Variants in ZNF132 observed in about 807,000 individuals in gnomAD.
ZNF132 encodes zinc finger protein 132 (clone pHZ-12).
A neutral mutation model predicts 9.3 loss-of-function variants in ZNF132; 6 were observed. The ratio of observed to expected loss-of-function variants is 0.65; its 90% CI spans 0.35 to 1.28. The LOEUF is 1.28. Ranked by LOEUF, ZNF132 falls within the 50% of genes most tolerant of loss-of-function variation. The pLI is 0.03. For missense variants in ZNF132, 877 were observed against 843.2 expected (o/e 1.04, Z -0.50); for synonymous variants, 296 against 292.0 (o/e 1.01, Z -0.14).
chr19:58,438,281 A>C (rs965532444), intron 1 of ZNF132, among the ~76,000 whole-genome samples: 23 of 152,130 alleles, frequency 1.5e-4, no homozygotes, highest in African/African-American at 5.6e-4. Flanking sequence ...ACACACAAGC[A>C]TCCATCCCTT....
rs1229593121 is a variant in ZNF132 at position 58,433,319 on chromosome 19, C to T, written c.*4G>A. Reference sequence around the variant, plus strand: ...TCACAAAGACCACTTCCATAAGGCTCCACTCAGGTATGAATCTTTTTATGC... The same window carrying T: ...TCACAAAGACCACTTCCATAAGGCTTCACTCAGGTATGAATCTTTTTATGC... On this transcript the variant is annotated 3_prime_UTR_variant, in exon 3 of 3. Coordinates refer to ENST00000254166, the MANE Select transcript of ZNF132 (RefSeq NM_003433.4). 2 of 1,605,922 alleles carry T rather than the reference C, an allele frequency of 1.2e-6. No individual in the cohort carries two copies. The highest frequency in any genetic ancestry group is 1.1e-5 in the South Asian group (1 of 90,286).
rs878896933 is a variant in ZNF132 at position 58,434,016 on chromosome 19, T to G, written c.1428A>C (p.Arg476=). The change falls in exon 3 of 3, where the codon CGA becomes CGC. Residue 476 remains arginine, a synonymous_variant. Transcript: ENST00000254166. ...RDFSQSSHLL[R]HQKVHTGERP... is the part of the protein sequence containing the mutation. ...GTTCTCCAGTGTGAACTTTCTGATG[T>G]CGAAGGAGATGGGAGCTTTGGCTGA... 6.2e-7 allele frequency: 1 copy of G among 1,613,422 alleles called. No individual in the cohort carries two copies. The highest frequency in any genetic ancestry group is 2.2e-5 in the East Asian group (1 of 44,812).
intron 1 of ZNF132, among the ~76,000 whole-genome samples, chr19:58,438,431 ACTC>A (rs869275961): frequency 1.4e-5 from 2 of 146,338 alleles, no homozygotes; most frequent in East Asian, 2.0e-4. Context: ...CCTGAAATCT[ACTC>A]CTCACACCAA....
At position 58,439,754 on chromosome 19, in the gene ZNF132, C is replaced by T. The variant is rs1323662245; in HGVS notation, c.63+5G>A. 6.5e-7 allele frequency: 1 copy of T among 1,534,560 alleles called. No homozygotes were observed. The highest frequency in any genetic ancestry group is 8.8e-7 in the Non-Finnish European group (1 of 1,140,318). On this transcript the variant is annotated splice_donor_5th_base_variant and intron_variant, in intron 1 of 2. Transcript: ENST00000254166. ...GGGTGAGGGCCTGGGGCACACTCCA[C>T]TTACCTGCGCCGGGCCCATCAGCAA...
rs2052794664 is a variant in ZNF132 at position 58,440,080 on chromosome 19, C to G, written c.-259G>C. On this transcript the variant is annotated 5_prime_UTR_variant, in exon 1 of 3. Transcript: ENST00000254166. ...AAGGCGCGGTGACGGTCCCTGCACCCACTCCCGTGCCCTGGTGTGGCTCCA... is the reference window on the plus strand; with the variant it reads ...AAGGCGCGGTGACGGTCCCTGCACCGACTCCCGTGCCCTGGTGTGGCTCCA... The G allele has an allele frequency of 1.4e-5, 7 of 501,024 alleles. No homozygotes were observed. The highest frequency in any genetic ancestry group is 3.5e-6 in the Non-Finnish European group (1 of 287,338). 31.0% of individuals were successfully genotyped at this position (501,024 alleles called of 1,614,324 possible).
At chr19:58,435,373 G>T in intron 2 of ZNF132, 162 bp from the exon 3 acceptor site, 1 of 770,344 alleles carries the variant, frequency 1.3e-6, no homozygotes. Flanking sequence ...CATTACTATT[G>T]GCAGGATAGG....
intron 1 of ZNF132, chr19:58,437,702 C>T (rs2052780799): frequency 2.5e-5 from 25 of 985,320 alleles, no homozygotes; most frequent in Non-Finnish European, 3.0e-5. Context: ...TTCTCCCTAG[C>T]ATCTCACCAT....
Position 58,434,555 on chromosome 19 carries a change from C to A in ZNF132, c.889G>T (p.Gly297Trp), listed in dbSNP as rs2052761784. The change falls in exon 3 of 3, where the codon GGG becomes TGG. Residue 297 changes from glycine (G) to tryptophan (W), a missense_variant. Gly to Trp is a radical substitution (Grantham distance 184). Transcript: ENST00000254166. ...GEIPHVCKEC[G>W]KAFSHSSKLR... Reference sequence around the variant, plus strand: ...TTAGATGAGTGACTAAAGGCCTTCCCACACTCCTTACACACATGGGGTATT... The same window carrying A: ...TTAGATGAGTGACTAAAGGCCTTCCAACACTCCTTACACACATGGGGTATT... 2 of 1,614,040 alleles carry A rather than the reference C, an allele frequency of 1.2e-6. No homozygotes were observed. Among genetic ancestry groups the A allele is most frequent in the African/African-American group, 1.3e-5 (1 of 74,926 alleles).
intron 2 of ZNF132, among the ~76,000 whole-genome samples, chr19:58,436,657 G>A (rs2052774330): frequency 9.2e-6 from 1 of 109,160 alleles, no homozygotes; most frequent in South Asian, 3.3e-4. Flanking sequence ...GACAGAGCAA[G>A]ACTCCATCTC....
In ZNF132 at chr19:58,437,681, C is replaced by T. The variant is rs2052780726; in HGVS notation, c.64-466G>A. ...TATATTTCCAACCCCTCCCTGTTCA[C>T]ACTGTAGGCATTCTCCCTAGCATCT... On this transcript the variant is annotated intron_variant, in intron 1 of 2. Coordinates refer to ENST00000254166, the MANE Select transcript of ZNF132 (RefSeq NM_003433.4). The T allele has an allele frequency of 4.1e-6, 4 of 981,716 alleles. No individual in the cohort carries two copies. In the South Asian group the frequency reaches 1.9e-4, roughly 46 times the overall value. The allele number at this position is 981,716 out of a possible 1,614,324, so 60.8% of individuals were successfully genotyped here.
chr19:58,435,005 A>G lies in ZNF132; in HGVS notation c.439T>C (p.Cys147Arg). ...SEEKPYTCGA[C>R]GRDFWLNANL... The stretch of plus-strand genomic sequence containing the variant: ...GCATTCAACCAAAAGTCTCTCCCAC[A>G]TGCTCCACATGTGTAGGGTTTCTCC... The change falls in exon 3 of 3, where the codon TGT becomes CGT. Residue 147 changes from cysteine (C) to arginine (R), a missense_variant. Physicochemically the swap from Cys to Arg is radical, Grantham distance 180. Coordinates refer to ENST00000254166, the MANE Select transcript of ZNF132 (RefSeq NM_003433.4). The G allele has an allele frequency of 6.2e-7, 1 of 1,614,092 alleles. No individual in the cohort carries two copies. The highest frequency in any genetic ancestry group is 8.5e-7 in the Non-Finnish European group (1 of 1,180,022).
At chr19:58,435,805 T>C (rs186231483) in intron 2 of ZNF132, 2 of 152,842 alleles carry the variant, frequency 1.3e-5, no homozygotes, top group Admixed American at 6.5e-5. Flanking sequence ...GGGGTCTTGC[T>C]ATGTTGCCCA....
Position 58,434,343 on chromosome 19 carries a change from T to A in ZNF132, c.1101A>T (p.Lys367Asn), listed in dbSNP as rs765580134. ...SNRSHLIRHEKVHTGERPFEC... is the reference protein window; with the variant it reads ...SNRSHLIRHENVHTGERPFEC... ...CAAAAGGCCTTTCTCCAGTGTGAAC[T>A]TTCTCATGCCGAATGAGGTGTGATC... The change falls in exon 3 of 3, where the codon AAA becomes AAT. Residue 367 changes from lysine to asparagine, a missense_variant. By Grantham distance (94) the Lys-to-Asn change is moderately conservative. Transcript: ENST00000254166. 2 of 1,614,260 alleles carry A rather than the reference T, an allele frequency of 1.2e-6. No individual in the cohort carries two copies. The highest frequency in any genetic ancestry group is 4.5e-5 in the East Asian group (2 of 44,886).
In ZNF132 at chr19:58,440,068, G is replaced by C. The variant is rs1031464125; in HGVS notation, c.-247C>G. ...ATGGTGCGTGTGAAGGCGCGGTGAC[G>C]GTCCCTGCACCCACTCCCGTGCCCT... On this transcript the variant is annotated 5_prime_UTR_variant, in exon 1 of 3. Transcript: ENST00000254166. 3.8e-6 allele frequency: 2 copies of C among 523,564 alleles called. No homozygotes were observed. The highest frequency in any genetic ancestry group is 6.7e-6 in the Non-Finnish European group (2 of 300,710). 32.4% of individuals were successfully genotyped at this position (523,564 alleles called of 1,614,324 possible). A position where few individuals can be genotyped will look rare whatever the true frequency, so the allele number is the denominator to read the frequency against.
chr19:58,437,858 G>T, intron 1 of ZNF132: 1 of 922,920 alleles, frequency 1.1e-6, no homozygotes, highest in Admixed American at 6.2e-5. Context: ...ACCATCAGCT[G>T]CCCAGAACCA....
chr19:58,437,823 C>T, intron 1 of ZNF132: 2 of 984,158 alleles, frequency 2.0e-6, no homozygotes, highest in Non-Finnish European at 2.4e-6. Context: ...AAGTCAATGC[C>T]TCCCCTGCCA....
chr19:58,436,058 A>C (rs2052771029), intron 2 of ZNF132, among the ~76,000 whole-genome samples: 1 of 152,266 alleles, frequency 6.6e-6, no homozygotes, highest in South Asian at 2.1e-4. Flanking sequence ...GATGAACTTC[A>C]AAAACATGCT....
rs1401571700 is a variant in ZNF132 at position 58,434,404 on chromosome 19, T to A, written c.1040A>T (p.Tyr347Phe). Reference protein sequence around the residue: ...HQRIHSGERPYECDECGKAFS... With the variant: ...HQRIHSGERPFECDECGKAFS... ...GGCTTTCCCACATTCATCACACTCATAAGGTCTTTCTCCTGAGTGAATTCT... is the reference window on the plus strand; with the variant it reads ...GGCTTTCCCACATTCATCACACTCAAAAGGTCTTTCTCCTGAGTGAATTCT... Residue 347 changes from tyrosine to phenylalanine, a missense_variant, in exon 3 of 3, where the codon TAT becomes TTT. By Grantham distance (22) the Tyr-to-Phe change is conservative. Coordinates refer to ENST00000254166, the MANE Select transcript of ZNF132 (RefSeq NM_003433.4). 6.2e-7 allele frequency: 1 copy of A among 1,614,128 alleles called. No individual in the cohort carries two copies. The highest frequency in any genetic ancestry group is 1.3e-5 in the African/African-American group (1 of 74,940).
intron 1 of ZNF132, 30 bp downstream of exon 1, chr19:58,439,729 G>A (rs45617039): frequency 0.2 from 298,041 of 1,492,720 alleles, 31,228 homozygotes; most frequent in Non-Finnish European, 0.21. Context: ...GAATCCCAGC[G>A]GGTGAGGGCC....
Sources: gnomAD v4.1 joint callset for allele counts (sites outside exome capture counted in the v4.1 genomes callset) on GRCh38, gnomAD v4.1.1 for gene constraint, MANE v1.5 for transcripts, NCBI Gene and HGNC (gene_info 2026-07-23, HGNC 2026-07-21) for gene names.